CNTN5: variants seen among roughly 807,000 people sequenced by gnomAD.
CNTN5 encodes the protein contactin-5.
Under a neutral mutation model 129.1 loss-of-function variants are expected in CNTN5, and 77 were observed. That is an observed-to-expected ratio of 0.60 (90% CI 0.50 to 0.72). The LOEUF is 0.72. Ranked by LOEUF, CNTN5 falls within the 30% of genes least tolerant of loss-of-function variation. The pLI is 0.00. For missense variants in CNTN5, 1,478 were observed against 1,328.8 expected (o/e 1.11, Z -1.75); for synonymous variants, 509 against 465.6 (o/e 1.09, Z -1.20).
At chr11:99,064,038 T>C (rs886407047) in intron 1 of CNTN5, among the ~76,000 whole-genome samples, 6 of 152,096 alleles carry the variant, frequency 3.9e-5, no homozygotes, top group Admixed American at 1.3e-4. Context: ...ATTGATTAAG[T>C]AGTACTGGAT....
intron 1 of CNTN5, among the ~76,000 whole-genome samples, chr11:99,040,956 A>G (rs542444511): frequency 9.2e-5 from 14 of 152,120 alleles, no homozygotes; most frequent in African/African-American, 2.9e-4. Flanking sequence ...TGCCATTCCA[A>G]TCATCAGCAT....
At chr11:99,788,450 C>T (rs182847212) in intron 3 of CNTN5, among the ~76,000 whole-genome samples, 131 of 151,994 alleles carry the variant, frequency 8.6e-4, no homozygotes, top group Non-Finnish European at 1.6e-3. Flanking sequence ...AGAAACATCT[C>T]ATTAATTTAT....
In CNTN5 at chr11:99,400,800, T is replaced by C. The variant is rs1190469833; in HGVS notation, c.-71+75316T>C. Among the ~76,000 whole-genome samples, 3 of 152,152 alleles carry C rather than the reference T, an allele frequency of 2.0e-5. No homozygotes were observed. The East Asian group carries it at 5.8e-4, about 29-fold the overall frequency. The stretch of plus-strand genomic sequence containing the variant: ...ACTGGGGTGAGATGATATCTGATTG[T>C]AGTTTGATTTGCATTTCTCTAATGA... On this transcript the variant is annotated intron_variant, in intron 2 of 24. Transcript: ENST00000524871.
intron 1 of CNTN5, chr11:99,120,555 C>G (rs1268675879): frequency 6.6e-6 from 1 of 152,136 alleles, no homozygotes; most frequent in Non-Finnish European, 1.5e-5. Flanking sequence ...ATTTCAAGTA[C>G]TTGGATGATC....
chr11:100,135,802 T>A (rs1304107711), intron 13 of CNTN5, among the ~76,000 whole-genome samples: 1 of 152,158 alleles, frequency 6.6e-6, no homozygotes, highest in African/African-American at 2.4e-5. Flanking sequence ...ATTTTGTAAT[T>A]CTTTCATCTT....
chr11:99,051,640 GA>G (rs1864432073), intron 1 of CNTN5, among the ~76,000 whole-genome samples: 1 of 151,910 alleles, frequency 6.6e-6, no homozygotes, highest in Non-Finnish European at 1.5e-5. Flanking sequence ...CATTACATAA[GA>G]AGTAAAATAT....
In CNTN5 at chr11:100,192,825, A is replaced by C. The variant is rs1471278609; in HGVS notation, c.1709-663A>C. On this transcript the variant is annotated intron_variant, in intron 14 of 24. Transcript: ENST00000524871. ...TTAAACATAAACATTGTTTTCTAAA[A>C]ACATTTCCATTCAGTGTTTCTACCT... Among the ~76,000 whole-genome samples the C allele has an allele frequency of 3.9e-5, 6 of 152,008 alleles. No individual in the cohort carries two copies. In the East Asian group the frequency reaches 1.2e-3, roughly 29 times the overall value.
chr11:99,449,809 T>C (rs1944224768), intron 2 of CNTN5, among the ~76,000 whole-genome samples: 1 of 152,198 alleles, frequency 6.6e-6, no homozygotes, highest in Non-Finnish European at 1.5e-5. Flanking sequence ...AAACCTCTAT[T>C]GGTCTACTGG....
chr11:99,399,154 G>GAAA lies in CNTN5; in HGVS notation c.-71+73672_-71+73673insAAA, dbSNP rs11419896. Among the ~76,000 whole-genome samples the GAAA allele has an allele frequency of 4.7e-5, 7 of 148,018 alleles. No individual in the cohort carries two copies. The South Asian group carries it at 1.3e-3, about 27-fold the overall frequency. On this transcript the variant is annotated intron_variant, in intron 2 of 24. Transcript: ENST00000524871. ...TTATGGGGCTACATAAGCATTTGTG[G>GAAA]AATAAAAAAAACTAAAATATTAATG...
At chr11:99,747,233 A>G (rs1410800846) in intron 3 of CNTN5, among the ~76,000 whole-genome samples, 2 of 152,196 alleles carry the variant, frequency 1.3e-5, no homozygotes, top group Non-Finnish European at 2.9e-5. Flanking sequence ...GTTAGTGTAT[A>G]GAAGTACTAC....
chr11:100,025,520 G>C (rs1941373982), intron 9 of CNTN5, among the ~76,000 whole-genome samples: 1 of 152,148 alleles, frequency 6.6e-6, no homozygotes, highest in African/African-American at 2.4e-5. Context: ...ACCCCAGAAT[G>C]ATAGATCCAC....
chr11:99,786,784 G>A (rs1041167345), intron 3 of CNTN5, among the ~76,000 whole-genome samples: 3 of 152,088 alleles, frequency 2.0e-5, no homozygotes, highest in Non-Finnish European at 4.4e-5. Context: ...AATGATGTTG[G>A]GAAAGTGGCT....
At chr11:99,812,464 AT>A (rs1565558914) in intron 3 of CNTN5, among the ~76,000 whole-genome samples, 2 of 152,154 alleles carry the variant, frequency 1.3e-5, no homozygotes, top group Admixed American at 6.6e-5. Flanking sequence ...ATAACAAAAA[AT>A]AATATAGAAA....
chr11:100,236,551 G>A (rs1949617389), intron 16 of CNTN5, among the ~76,000 whole-genome samples: 2 of 152,228 alleles, frequency 1.3e-5, no homozygotes, highest in Admixed American at 1.3e-4. Context: ...ACATGACCTG[G>A]CTCTCAGCAT....
At chr11:99,700,650 G>T (rs760723413) in intron 3 of CNTN5, among the ~76,000 whole-genome samples, 1 of 151,318 alleles carries the variant, frequency 6.6e-6, no homozygotes, top group East Asian at 1.9e-4. Context: ...GTCATGAAAT[G>T]CAGCAATGGT....
chr11:99,634,658 C>G (rs1413965488), intron 3 of CNTN5, among the ~76,000 whole-genome samples: 1 of 152,180 alleles, frequency 6.6e-6, no homozygotes, highest in East Asian at 1.9e-4. Context: ...CTCAGATAAG[C>G]ATCTGAAAGC....
chr11:99,273,257 C>T (rs1354028836), intron 1 of CNTN5, among the ~76,000 whole-genome samples: 4 of 151,816 alleles, frequency 2.6e-5, no homozygotes, highest in African/African-American at 7.2e-5. Flanking sequence ...ACTCTCTAAT[C>T]TCATTCATGT....
intron 13 of CNTN5, among the ~76,000 whole-genome samples, chr11:100,126,185 G>GT (rs895310352): frequency 8.6e-5 from 13 of 151,932 alleles, no homozygotes; most frequent in Admixed American, 2.6e-4. Flanking sequence ...ATGATTTTGA[G>GT]TTTTTTTTAA....
intron 1 of CNTN5, among the ~76,000 whole-genome samples, chr11:99,042,901 T>G (rs1244623309): frequency 6.7e-6 from 1 of 148,664 alleles, no homozygotes; most frequent in Non-Finnish European, 1.5e-5. Flanking sequence ...TCCTAGGGAC[T>G]GCAATCCTTC....
Sources: allele counts gnomAD v4.1 joint callset (sites outside exome capture counted in the v4.1 genomes callset), GRCh38; gene constraint gnomAD v4.1.1; transcripts MANE v1.5; gene names NCBI Gene and HGNC (gene_info 2026-07-23, HGNC 2026-07-21).